The following UQCC6 variants were observed in gnomAD, a reference collection of about 807,000 sequenced individuals.
The protein encoded by UQCC6 is protein BRAWNIN.
the UQCC6 span, chr12:103,956,358 G>A: frequency 6.2e-6 from 2 of 320,750 alleles, no homozygotes; most frequent in Non-Finnish European, 1.2e-5. Flanking sequence ...TGGTAAAATG[G>A]TGGCAGATAG....
chr12:103,952,297 G>A, the UQCC6 span, among the ~76,000 whole-genome samples: 3 of 152,078 alleles, frequency 2.0e-5, no homozygotes, highest in African/African-American at 7.2e-5. Flanking sequence ...ATAATATGTG[G>A]TCCTCTGTGT....
At chr12:103,957,571 A>C in the UQCC6 span, among the ~76,000 whole-genome samples, 1 of 152,140 alleles carries the variant, frequency 6.6e-6, no homozygotes, top group Non-Finnish European at 1.5e-5. Context: ...GAGTGAAGTT[A>C]AAGGCACTCA....
chr12:103,954,774 A>C, the UQCC6 span: 2 of 565,200 alleles, frequency 3.5e-6, no homozygotes, highest in Admixed American at 3.2e-5. Context: ...AGGTTATAAG[A>C]GGGGGGATTT....
chr12:103,958,577 C>G, the UQCC6 span, among the ~76,000 whole-genome samples: 4 of 152,064 alleles, frequency 2.6e-5, no homozygotes, highest in African/African-American at 9.7e-5. Flanking sequence ...TTTTGTGTTG[C>G]TTATTTCATG....
At chr12:103,956,878 C>G in the UQCC6 span, 2 of 611,730 alleles carry the variant, frequency 3.3e-6, no homozygotes, top group East Asian at 2.8e-5. Flanking sequence ...CCCCTGGGTT[C>G]TCGCCCAACC....
the UQCC6 span, chr12:103,954,771 AAG>A: frequency 1.8e-5 from 10 of 562,434 alleles, no homozygotes; most frequent in African/African-American, 9.5e-5. Context: ...AGGAGGTTAT[AAG>A]AGGGGGGATT....
chr12:103,961,793 C>T, the UQCC6 span, among the ~76,000 whole-genome samples: 2 of 152,144 alleles, frequency 1.3e-5, no homozygotes, highest in Non-Finnish European at 2.9e-5. Context: ...CTCCTGAGCT[C>T]AGGTGATCCA....
chr12:103,962,279 AT>A, the UQCC6 span, among the ~76,000 whole-genome samples: 1 of 152,110 alleles, frequency 6.6e-6, no homozygotes, highest in East Asian at 1.9e-4. Context: ...CTTTTCATTA[AT>A]TTTTTAAGAG....
chr12:103,964,493 G>C, the UQCC6 span, among the ~76,000 whole-genome samples: 3 of 152,170 alleles, frequency 2.0e-5, no homozygotes, highest in Admixed American at 1.3e-4. Context: ...AATGGAGCTG[G>C]CAGGACCCAG....
the UQCC6 span, among the ~76,000 whole-genome samples, chr12:103,958,021 TATTTATATATTTTTAAATATA>T: frequency 3.4e-5 from 5 of 145,956 alleles, no homozygotes; most frequent in African/African-American, 1.2e-4. Context: ...TTTTAATATA[TATTTATATATTTTTAAATATA>T]TATGTATATA....
the UQCC6 span, among the ~76,000 whole-genome samples, chr12:103,961,138 G>A: frequency 7.2e-6 from 1 of 139,510 alleles, no homozygotes; most frequent in African/African-American, 2.7e-5. Flanking sequence ...CTAGGCTAAT[G>A]TGTGTGTTTG....
chr12:103,961,541 TTG>T, the UQCC6 span, among the ~76,000 whole-genome samples: 15 of 21,342 alleles, frequency 7.0e-4, 1 homozygote, highest in Admixed American at 9.7e-3. Flanking sequence ...TTTGGTTTTG[TTG>T]TTGTTGTTGT....
chr12:103,951,241 C>A, the UQCC6 span: 23 of 252,072 alleles, frequency 9.1e-5, no homozygotes, highest in Non-Finnish European at 1.6e-4. Flanking sequence ...GAAATAAAGA[C>A]AACCCATATA....
At chr12:103,951,088 C>T in the UQCC6 span, 1 of 152,518 alleles carries the variant, frequency 6.6e-6, no homozygotes, top group Non-Finnish European at 1.5e-5. Context: ...ATTATCAAAG[C>T]TCACCACTTT....
the UQCC6 span, chr12:103,956,605 T>C: frequency 6.8e-7 from 1 of 1,463,622 alleles, no homozygotes; most frequent in Non-Finnish European, 9.4e-7. Context: ...AGCTCAAAAA[T>C]AAAATAGTAG....
At chr12:103,953,415 T>C in the UQCC6 span, 1 of 702,318 alleles carries the variant, frequency 1.4e-6, no homozygotes, top group Non-Finnish European at 2.6e-6. Flanking sequence ...TAAAAGCACC[T>C]GTAGCAGTTC....
At chr12:103,955,181 G>C in the UQCC6 span, among the ~76,000 whole-genome samples, 2 of 152,270 alleles carry the variant, frequency 1.3e-5, no homozygotes, top group Non-Finnish European at 2.9e-5. Context: ...GCCACGCATG[G>C]TGGTGTATGC....
At chr12:103,954,782 T>G in the UQCC6 span, 3 of 561,690 alleles carry the variant, frequency 5.3e-6, no homozygotes, top group South Asian at 2.4e-5. Flanking sequence ...AGAGGGGGGA[T>G]TTTCACTTTT....
chr12:103,961,398 GTGT>G, the UQCC6 span, among the ~76,000 whole-genome samples: 6 of 152,202 alleles, frequency 3.9e-5, no homozygotes, highest in Non-Finnish European at 7.3e-5. Context: ...TAGGTGTACA[GTGT>G]TTATAAAGTC....
Sources: gnomAD v4.1 joint callset for allele counts (sites outside exome capture counted in the v4.1 genomes callset) on GRCh38, gnomAD v4.1.1 for gene constraint, MANE v1.5 for transcripts, NCBI Gene and HGNC (gene_info 2026-07-23, HGNC 2026-07-21) for gene names.